DRP2: variants seen among roughly 807,000 people sequenced by gnomAD.
DRP2 encodes the protein dystrophin-related protein 2.
DRP2 carries 29 observed loss-of-function variants against 78.2 expected under a neutral mutation model. The observed-to-expected ratio is 0.37, with a 90% CI of 0.28 to 0.51. The LOEUF is 0.51. DRP2 is among the 20% of genes least tolerant of loss of function. DRP2 has a pLI of 0.94. For synonymous variants in DRP2, 290 were observed against 281.9 expected (o/e 1.03, Z -0.29); for missense variants, 686 against 770.6 (o/e 0.89, Z 1.30).
At chrX:101,225,520 A>G (rs1002011652) in intron 2 of DRP2, among the ~76,000 whole-genome samples, 1 of 111,729 alleles carries the variant, frequency 9.0e-6, no homozygotes, top group Non-Finnish European at 1.9e-5. Flanking sequence ...GAGGATAGCA[A>G]TAGTAACTAC....
intron 14 of DRP2, among the ~76,000 whole-genome samples, chrX:101,250,125 G>A (rs958654631): frequency 9.0e-6 from 1 of 110,708 alleles, no homozygotes; most frequent in Non-Finnish European, 1.9e-5. Flanking sequence ...CTTACACACA[G>A]TGCACTCGAC....
At chrX:101,231,441 T>C (rs999356397) in intron 2 of DRP2, 144 bp from the exon 3 acceptor site, 1 of 452,381 alleles carries the variant, frequency 2.2e-6, no homozygotes, top group Non-Finnish European at 3.9e-6. Context: ...TTAAATAAAG[T>C]ATTTTATGGT....
chrX:101,224,182 GTTTTTTTTGTTTTTTT>G (rs1922001377), intron 1 of DRP2, among the ~76,000 whole-genome samples: 1 of 44,232 alleles, frequency 2.3e-5, no homozygotes, highest in East Asian at 5.5e-4. Context: ...TGTTTGCTGG[GTTTTTTTTGTTTTTTT>G]TTTTTTTTTT....
chrX:101,230,440 C>T (rs1371271056), intron 2 of DRP2, among the ~76,000 whole-genome samples: 1 of 111,352 alleles, frequency 9.0e-6, no homozygotes, highest in Non-Finnish European at 1.9e-5. Context: ...GCAGGAGAAT[C>T]GCTTGAACCT....
chrX:101,254,317 G>A, intron 17 of DRP2, 108 bp from the exon 18 acceptor site: 2 of 1,006,261 alleles, frequency 2.0e-6, no homozygotes, highest in Non-Finnish European at 2.7e-6. Context: ...GTGGGCATGA[G>A]CAAGAGTGGA....
intron 2 of DRP2, among the ~76,000 whole-genome samples, chrX:101,225,774 A>T (rs1261988822): frequency 1.8e-5 from 2 of 111,790 alleles, no homozygotes; most frequent in African/African-American, 6.5e-5. Context: ...ACAAAATGAT[A>T]TTTAGTAAAA....
Position 101,250,480 on chromosome X carries a change from T to C in DRP2, c.1598T>C (p.Val533Ala). The change falls in exon 15 of 24, where the codon GTC becomes GCC. Residue 533 changes from valine to alanine, a missense_variant. Coordinates refer to ENST00000395209, the MANE Select transcript of DRP2 (RefSeq NM_001939.3). ...CAGTGTGACCAGCGCCACCTTGGTG[T>C]CCTGCTTCATGAGGCCATTCAGGTG... ...GSQCDQRHLG[V>A]LLHEAIQVPR... 1 of 1,211,218 alleles carries C rather than the reference T, an allele frequency of 8.3e-7. No individual in the cohort carries two copies. The highest frequency in any genetic ancestry group is 3.0e-5 in the East Asian group (1 of 33,801).
intron 3 of DRP2, among the ~76,000 whole-genome samples, chrX:101,232,813 C>A (rs902121926): frequency 8.9e-6 from 1 of 112,397 alleles, no homozygotes; most frequent in Non-Finnish European, 1.9e-5. Flanking sequence ...GAAAACTGAG[C>A]CCTTCCAAAG....
chrX:101,241,068 G>T (rs945655419), intron 6 of DRP2, among the ~76,000 whole-genome samples: 21 of 112,038 alleles, frequency 1.9e-4, no homozygotes, highest in African/African-American at 6.8e-4. Context: ...GTATGAATAG[G>T]GCTCTAGATG....
intron 12 of DRP2, 122 bp from the exon 13 acceptor site, chrX:101,247,967 G>A: frequency 3.3e-6 from 2 of 604,308 alleles, no homozygotes; most frequent in Non-Finnish European, 5.2e-6. Flanking sequence ...TATCATATTT[G>A]CAAATGGTTG....
intron 1 of DRP2, among the ~76,000 whole-genome samples, 151 bp from the exon 2 acceptor site, chrX:101,224,453 A>G (rs1161426375): frequency 1.8e-5 from 2 of 108,499 alleles, no homozygotes; most frequent in Non-Finnish European, 3.8e-5. Context: ...CTTTCTGCGC[A>G]TGCGCACAGT....
chrX:101,220,317 G>A (rs989802787), intron 1 of DRP2, among the ~76,000 whole-genome samples, 171 bp downstream of exon 1: 11 of 106,629 alleles, frequency 1.0e-4, no homozygotes, highest in African/African-American at 3.4e-4. Context: ...GTGTGTGTAC[G>A]CGTGCCTGCC....
intron 16 of DRP2, 158 bp downstream of exon 16, chrX:101,251,241 G>T (rs1350538148): frequency 8.0e-6 from 4 of 502,037 alleles, no homozygotes; most frequent in Non-Finnish European, 1.2e-5. Context: ...ATTGCAGAAT[G>T]TTTAATTGTT....
intron 3 of DRP2, among the ~76,000 whole-genome samples, chrX:101,233,801 G>C (rs1922390898): frequency 8.9e-6 from 1 of 111,835 alleles, no homozygotes; most frequent in African/African-American, 3.3e-5. Flanking sequence ...ACATGGAACT[G>C]CTGGGTCCCA....
At chrX:101,225,676 T>G (rs1168247471) in intron 2 of DRP2, among the ~76,000 whole-genome samples, 2 of 111,757 alleles carry the variant, frequency 1.8e-5, no homozygotes, top group South Asian at 7.6e-4. Context: ...GTTGACCTCC[T>G]TGTATTTTGG....
Position 101,242,387 on chromosome X carries a change from C to T in DRP2, c.891C>T (p.His297=). The part of the protein sequence containing the change: ...DGVKLVNDLA[H]QLAISDVHLS... Reference sequence around the variant, plus strand: ...TAAAGTTGGTGAATGATCTGGCCCACCAACTTGCCATTTCTGATGTGCACT... The same window carrying T: ...TAAAGTTGGTGAATGATCTGGCCCATCAACTTGCCATTTCTGATGTGCACT... Residue 297 remains histidine (H), a synonymous_variant, in exon 8 of 24, where the codon CAC becomes CAT. Transcript: ENST00000395209. 1 of 1,211,825 alleles carries T rather than the reference C, an allele frequency of 8.3e-7. No homozygotes were observed. The highest frequency in any genetic ancestry group is 2.2e-5 in the Admixed American group (1 of 46,053).
rs1569510101 is a variant in DRP2 at position 101,260,655 on chromosome X, C to G, written c.*34C>G. The G allele has an allele frequency of 1.7e-6, 2 of 1,186,330 alleles. No homozygotes were observed. The highest frequency in any genetic ancestry group is 4.6e-5 in the Admixed American group (2 of 43,210). On this transcript the variant is annotated 3_prime_UTR_variant, in exon 24 of 24. Coordinates refer to ENST00000395209, the MANE Select transcript of DRP2 (RefSeq NM_001939.3). ...GATCCCCATCCTATAGTTCATAGTC[C>G]TCTCCTGGTTCCGGTCAAAGCCTTT...
chrX:101,222,887 T>C (rs146127922), intron 1 of DRP2, among the ~76,000 whole-genome samples: 1,312 of 112,360 alleles, frequency 0.012, 8 homozygotes, highest in Middle Eastern at 0.088. Flanking sequence ...ATTATTCCCA[T>C]GCATTGATTT....
Position 101,254,562 on chromosome X carries a change from G to C in DRP2, c.2114+1G>C. 8.3e-7 allele frequency: 1 copy of C among 1,211,823 alleles called. No individual in the cohort carries two copies. The highest frequency in any genetic ancestry group is 1.1e-6 in the Non-Finnish European group (1 of 895,478). ...TGCTGGAGGCTGACTACAGTGAGAC[G>C]TGAGTACTGGTGGCTGAGCAGGGGC... On this transcript the variant is annotated splice_donor_variant, in intron 18 of 23. Transcript: ENST00000395209. LOFTEE classifies it high-confidence loss of function.
Sources: gnomAD v4.1 joint callset for allele counts (sites outside exome capture counted in the v4.1 genomes callset) on GRCh38, gnomAD v4.1.1 for gene constraint, MANE v1.5 for transcripts, NCBI Gene and HGNC (gene_info 2026-07-23, HGNC 2026-07-21) for gene names.